UPF2: variants seen among roughly 807,000 people sequenced by gnomAD.
UPF2 encodes regulator of nonsense transcripts 2.
In UPF2, 17 loss-of-function variants were observed where a neutral mutation model predicts 141.4. The ratio of observed to expected loss-of-function variants is 0.12; its 90% CI spans 0.08 to 0.18. UPF2 has a LOEUF of 0.18. Ranked by LOEUF, UPF2 falls within the 10% of genes least tolerant of loss-of-function variation. The probability of loss-of-function intolerance (pLI) is 1.00; values close to 1 mark genes in which losing one functional copy is unlikely to be tolerated. For missense variants in UPF2, 1,152 were observed against 1,515.9 expected, an observed-to-expected ratio of 0.76 and a Z score of 3.99; for synonymous variants, 540 against 498.0, an observed-to-expected ratio of 1.08 and a Z score of -1.12.
rs58106776 is a variant in UPF2, at chr10:11,938,853, G to GTTTTTTT, written c.3379-2148_3379-2142dup. Among the ~76,000 whole-genome samples, 733 of 79,812 alleles carry GTTTTTTT rather than the reference G, an allele frequency of 9.2e-3. 159 individuals are homozygous for GTTTTTTT. Among genetic ancestry groups the GTTTTTTT allele is most frequent in the African/African-American group, 0.011 (230 of 20,096 alleles). 52.4% of individuals were successfully genotyped at this position (79,812 alleles called of 152,430 possible). Reference sequence around the variant, plus strand: ...GTGGTCTTAAGCAAGTTTTTTTTTTGTTTTTTTTTTTTTTTTTTTTTTTTT... The same window carrying GTTTTTTT: ...GTGGTCTTAAGCAAGTTTTTTTTTTGTTTTTTTTTTTTTTTTTTTTTTTTTTTTTTTT... On this transcript the variant is annotated intron_variant, in intron 18 of 21. Coordinates refer to ENST00000357604, the MANE Select transcript of UPF2 (RefSeq NM_015542.4).
chr10:11,959,178 G>A lies in UPF2; in HGVS notation c.2363C>T (p.Thr788Ile). The change falls in exon 12 of 22, where the codon ACC becomes ATC. Residue 788 changes from threonine (T) to isoleucine (I), a missense_variant. Around this residue, in one of 4 missense-constraint regions of UPF2, gnomAD observed 739 missense variants for 1,032.2 expected, o/e 0.72. Coordinates refer to ENST00000357604, the MANE Select transcript of UPF2 (RefSeq NM_015542.4). This position sits in a 1 kb window ranked among gnomAD's most constrained non-coding sequence, Gnocchi z 5.9. ...LLYKDLSKVT[T>I]EKVLRQMRKL... Reference sequence around the variant, plus strand: ...TGATTTCATAAGATTTACCTTCTCGGTGGTAACCTTAGAGAGATCCTTGTA... The same window carrying A: ...TGATTTCATAAGATTTACCTTCTCGATGGTAACCTTAGAGAGATCCTTGTA... 1 of 1,580,274 alleles carries A rather than the reference G, an allele frequency of 6.3e-7. No homozygotes were observed. Among genetic ancestry groups the A allele is most frequent in the South Asian group, 1.2e-5 (1 of 85,736 alleles).
intron 1 of UPF2, 196 bp from the exon 2 acceptor site, chr10:12,035,637 C>A (rs763242958): frequency 1.1e-5 from 6 of 570,488 alleles, no homozygotes; most frequent in Non-Finnish European, 1.6e-5. Flanking sequence ...ATTAGTTAGG[C>A]CTATGTCTAA....
rs75452236 is a variant in UPF2, at chr10:12,036,659, T to C, written c.-18-1218A>G. ...AAAAATATATTTCTCTACTCAGAAC[T>C]AGTTGTCTAATTTCTTTTAGGCATG... On this transcript the variant is annotated intron_variant, in intron 1 of 21. Transcript: ENST00000357604. Among the ~76,000 whole-genome samples the C allele has an allele frequency of 4.0e-4, 61 of 152,346 alleles. 1 individual carries two copies. In the East Asian group the frequency reaches 9.6e-3, roughly 24 times the overall value.
rs1190251224 is a variant in UPF2, at chr10:11,982,635, G to GT, written c.1845-3471dup. ...CCCAATCCCCTTACAAAGCACTTTGGTTTTTTTTGAGACAGAGTTTCACTC... is the reference window on the plus strand; with the variant it reads ...CCCAATCCCCTTACAAAGCACTTTGGTTTTTTTTTGAGACAGAGTTTCACTC... On this transcript the variant is annotated intron_variant, in intron 8 of 21. Transcript: ENST00000357604. Among the ~76,000 whole-genome samples, 7 of 151,726 alleles carry GT rather than the reference G, an allele frequency of 4.6e-5. No homozygotes were observed. In the South Asian group the frequency reaches 6.3e-4, roughly 14 times the overall value.
At position 11,948,466 on chromosome 10, in the gene UPF2, CCTT is replaced by C. The variant is rs1049347434; in HGVS notation, c.3074_3076del (p.Glu1025del). On this transcript the variant is annotated inframe_deletion, in exon 16 of 22. Transcript: ENST00000357604. The stretch of plus-strand genomic sequence containing the variant: ...TTCTTCATCCTCTTCAAGATTTTCT[CCTT>C]CTGTCATAGAATCTTTTGAGTCTTT... The C allele has an allele frequency of 3.1e-6, 5 of 1,613,122 alleles. No individual in the cohort carries two copies. Among genetic ancestry groups the C allele is most frequent in the African/African-American group, 2.7e-5 (2 of 74,878 alleles).
intron 14 of UPF2, among the ~76,000 whole-genome samples, chr10:11,954,431 C>A (rs1271531494): frequency 6.6e-6 from 1 of 151,630 alleles, no homozygotes; most frequent in East Asian, 1.9e-4. Flanking sequence ...GTCAGGAGTT[C>A]AAGACCAGCC....
rs189713010 is a variant in UPF2 at position 11,935,675 on chromosome 10, T to C, written c.3546+870A>G. Among the ~76,000 whole-genome samples, 36 of 152,324 alleles carry C rather than the reference T, an allele frequency of 2.4e-4. No homozygotes were observed. Among genetic ancestry groups the C allele is most frequent in the African/African-American group, 7.7e-4 (32 of 41,570 alleles). On this transcript the variant is annotated intron_variant, in intron 19 of 21. Transcript: ENST00000357604. The surrounding 1 kb of genome is among the most constrained non-coding windows in gnomAD (Gnocchi z 4.9). ...TACCATGTTTCACTATCTGCAAATA[T>C]GTGCGTTTGTCTCTCTGCTCTCTCA...
rs115978178 is a variant in UPF2, at chr10:12,022,896, T to C, written c.1145+5849A>G. Among the ~76,000 whole-genome samples the C allele has an allele frequency of 4.2e-3, 633 of 152,308 alleles. 5 individuals are homozygous for C. The highest frequency in any genetic ancestry group is 0.014 in the African/African-American group (595 of 41,560). On this transcript the variant is annotated intron_variant, in intron 3 of 21. Coordinates refer to ENST00000357604, the MANE Select transcript of UPF2 (RefSeq NM_015542.4). ...CAATGGGCAGACGAAAAAGTCTGCA[T>C]TCTACTTAAATTTTTTTTCCTGAAC...
chr10:11,929,017 C>T (rs898647351), intron 21 of UPF2, among the ~76,000 whole-genome samples: 12 of 151,852 alleles, frequency 7.9e-5, no homozygotes, highest in African/African-American at 2.7e-4. Context: ...GATGCGGTGG[C>T]ATGCCCTATT....
chr10:12,024,878 GA>G (rs1834386906), intron 3 of UPF2, among the ~76,000 whole-genome samples: 1 of 129,338 alleles, frequency 7.7e-6, no homozygotes, highest in Non-Finnish European at 1.6e-5. Flanking sequence ...AGGCTACACT[GA>G]GCCATGATCA....
chr10:11,965,359 T>C (rs1035120793), intron 10 of UPF2, among the ~76,000 whole-genome samples: 3 of 152,254 alleles, frequency 2.0e-5, no homozygotes, highest in African/African-American at 7.2e-5. Flanking sequence ...TAATGCTATC[T>C]GGAATTTACC....
chr10:11,955,992 A>C (rs1833143054), intron 13 of UPF2, among the ~76,000 whole-genome samples: 1 of 152,120 alleles, frequency 6.6e-6, no homozygotes, highest in Non-Finnish European at 1.5e-5. Context: ...AAATACAAAA[A>C]AATTAGCTAG....
intron 4 of UPF2, among the ~76,000 whole-genome samples, chr10:12,013,569 G>A (rs944293489): frequency 3.4e-4 from 52 of 151,926 alleles, no homozygotes; most frequent in African/African-American, 1.2e-3. Flanking sequence ...CACTGCGCCC[G>A]GCCACCCTTA....
In UPF2 at chr10:12,004,796, TA is replaced by T. The variant is rs372129037; in HGVS notation, c.1307-70del. ...ATAGCATGATAAACATGACATAAGT[TA>T]TTTTTTCAGTTTTACATCTATTGAA... is the stretch of plus-strand genomic sequence containing the variant. On this transcript the variant is annotated intron_variant, in intron 4 of 21. Coordinates refer to ENST00000357604, the MANE Select transcript of UPF2 (RefSeq NM_015542.4). The T allele has an allele frequency of 1.5e-4, 217 of 1,482,432 alleles. 1 individual carries two copies. The African/African-American group carries it at 2.4e-3, about 16-fold the overall frequency. The allele number at this position is 1,482,432 out of a possible 1,614,324, so 91.8% of individuals were successfully genotyped here. A position where few individuals can be genotyped will look rare whatever the true frequency, so the allele number is the denominator to read the frequency against.
At chr10:11,983,404 G>A (rs896682425) in intron 8 of UPF2, among the ~76,000 whole-genome samples, 2 of 151,780 alleles carry the variant, frequency 1.3e-5, no homozygotes, top group African/African-American at 2.4e-5. Flanking sequence ...ATGGAGTCTC[G>A]CTCTGCCGCC....
intron 21 of UPF2, among the ~76,000 whole-genome samples, chr10:11,925,724 C>CAGGGGAACA (rs923975442): frequency 2.0e-5 from 3 of 152,210 alleles, no homozygotes; most frequent in Admixed American, 2.0e-4. Flanking sequence ...AGGAGTTCTC[C>CAGGGGAACA]AGGGGAACAG....
chr10:12,032,754 G>A (rs1292554981), intron 2 of UPF2, among the ~76,000 whole-genome samples: 3 of 148,498 alleles, frequency 2.0e-5, no homozygotes, highest in Non-Finnish European at 4.5e-5. Context: ...AAAAAAAAAA[G>A]ACTCTCTTAA....
At position 12,042,801 on chromosome 10, in the gene UPF2, C is replaced by A. The variant is rs1222268229; in HGVS notation, c.-65G>T. ...AGCCCCGGGTTTCCCAGCACCAACT[C>A]CAGCGCTCGGGCTCTCCCCTCCCCT... On this transcript the variant is annotated 5_prime_UTR_variant, in exon 1 of 22. Coordinates refer to ENST00000357604, the MANE Select transcript of UPF2 (RefSeq NM_015542.4). This position sits in a 1 kb window ranked among gnomAD's most constrained non-coding sequence, Gnocchi z 5.5. 3 of 152,204 alleles carry A rather than the reference C, an allele frequency of 2.0e-5. No individual in the cohort carries two copies. Among genetic ancestry groups the A allele is most frequent in the South Asian group, 2.1e-4 (1 of 4,828 alleles). 9.4% of individuals were successfully genotyped at this position (152,204 alleles called of 1,614,324 possible).
chr10:11,927,042 C>T (rs964765552), intron 21 of UPF2, among the ~76,000 whole-genome samples: 2 of 152,190 alleles, frequency 1.3e-5, no homozygotes, highest in African/African-American at 4.8e-5. Context: ...TTGAAACAGA[C>T]AAATGAAGAG....
Sources: gnomAD v4.1 joint callset for allele counts (sites outside exome capture counted in the v4.1 genomes callset) on GRCh38, gnomAD v4.1.1 for gene constraint, gnomAD v4.1.1 regional missense constraint, Gnocchi (gnomAD v3.1) non-coding constraint, MANE v1.5 for transcripts, NCBI Gene and HGNC (gene_info 2026-07-23, HGNC 2026-07-21) for gene names.